The following SYTL2 variants were observed in gnomAD, a reference collection of about 807,000 sequenced individuals.
SYTL2 encodes synaptotagmin like 2.
SYTL2 carries 165 observed loss-of-function variants against 198.7 expected under a neutral mutation model. The observed-to-expected ratio is 0.83, with a 90% CI of 0.73 to 0.94. SYTL2 has a LOEUF of 0.94. SYTL2 is among the 40% of genes least tolerant of loss of function. SYTL2 has a pLI of 0.00. For missense variants in SYTL2, 2,835 were observed against 2,582.8 expected (o/e 1.10, Z -2.12); for synonymous variants, 966 against 917.7 (o/e 1.05, Z -0.95).
At chr11:85,795,961 T>G (rs1251892743) in intron 1 of SYTL2, among the ~76,000 whole-genome samples, 1 of 152,216 alleles carries the variant, frequency 6.6e-6, no homozygotes, top group Non-Finnish European at 1.5e-5. Context: ...GGGAATCTCC[T>G]GCTGTAAAAA....
chr11:85,710,529 T>C (rs1408230400), intron 13 of SYTL2, among the ~76,000 whole-genome samples: 2 of 152,268 alleles, frequency 1.3e-5, no homozygotes. Flanking sequence ...CATATATTTT[T>C]ACATACATAC....
At position 85,725,577 on chromosome 11, in the gene SYTL2, C is replaced by A. The variant is rs747683549; in HGVS notation, c.3781G>T (p.Ala1261Ser). ...GGAGCTAGTATTTCTCTCTTATCAG[C>A]TGAAGTATTGTGACTCTGTTCTATC... ...KGIEQSHNTSADKREILAPFP... is the reference protein window; with the variant it reads ...KGIEQSHNTSSDKREILAPFP... Residue 1261 changes from alanine to serine, a missense_variant, in exon 8 of 20, where the codon GCT becomes TCT. Transcript: ENST00000359152. 1 of 1,614,068 alleles carries A rather than the reference C, an allele frequency of 6.2e-7. No individual in the cohort carries two copies. The highest frequency in any genetic ancestry group is 8.5e-7 in the Non-Finnish European group (1 of 1,179,966).
chr11:85,849,652 G>A, the SYTL2 span, among the ~76,000 whole-genome samples: 1 of 147,856 alleles, frequency 6.8e-6, no homozygotes, highest in African/African-American at 2.5e-5. Context: ...CTATATCTCT[G>A]TTTTGGTACC....
the SYTL2 span, among the ~76,000 whole-genome samples, chr11:85,844,156 T>G: frequency 0.012 from 1,865 of 152,316 alleles, 15 homozygotes; most frequent in Middle Eastern, 0.031. Context: ...GACTCTATCG[T>G]GTAAGCCCTA....
intron 1 of SYTL2, among the ~76,000 whole-genome samples, chr11:85,794,549 T>A (rs898150992): frequency 3.9e-5 from 6 of 152,158 alleles, no homozygotes; most frequent in Non-Finnish European, 7.4e-5. Flanking sequence ...CAAAAGAGAC[T>A]TTCATATCAC....
At chr11:85,829,229 G>T in the SYTL2 span, among the ~76,000 whole-genome samples, 1 of 152,106 alleles carries the variant, frequency 6.6e-6, no homozygotes. Flanking sequence ...CCCATGCCCT[G>T]CTCCCTCCCT....
chr11:85,744,936 G>A (rs796740226), intron 4 of SYTL2, among the ~76,000 whole-genome samples: 11 of 152,236 alleles, frequency 7.2e-5, no homozygotes, highest in African/African-American at 2.4e-4. Flanking sequence ...CAGCAAAGAT[G>A]TACAAATGTA....
At chr11:85,746,321 G>A (rs653559) in intron 3 of SYTL2, among the ~76,000 whole-genome samples, 113,170 of 152,064 alleles carry the variant, frequency 0.74, 42,551 homozygotes, top group African/African-American at 0.85. Context: ...CCCAGCTCAG[G>A]TGTCAGAGCC....
At chr11:85,705,065 A>AT in intron 15 of SYTL2, 37 bp from the exon 16 acceptor site, 1 of 1,519,858 alleles carries the variant, frequency 6.6e-7, no homozygotes, top group Non-Finnish European at 9.1e-7. Flanking sequence ...GATGAAAAAC[A>AT]TTACTTGATG....
rs201770370 is a variant in SYTL2 at position 85,757,637 on chromosome 11, T to C, written c.89A>G (p.Glu30Gly). 10 of 1,613,812 alleles carry C rather than the reference T, an allele frequency of 6.2e-6. No individual in the cohort carries two copies. Among genetic ancestry groups the C allele is most frequent in the Middle Eastern group, 3.3e-4 (2 of 6,062 alleles). The change falls in exon 2 of 20, where the codon GAA (glutamate) becomes GGA (glycine). Residue 30 changes from glutamate (E) to glycine (G), a missense_variant. Glu to Gly is a moderately conservative substitution (Grantham distance 98). Around this residue, in one of 3 missense-constraint regions of SYTL2, gnomAD observed 2,645 missense variants for 2,381.7 expected, o/e 1.11. Transcript: ENST00000359152. ...TCTGGCCTCTTACCTGACTCTCTCT[T>C]CTTCGGCCCTCTTCAGAGCAGCATC... Reference protein sequence around the residue: ...QRDAALKRAEEERVRHLPEKI... With the variant: ...QRDAALKRAEGERVRHLPEKI...
intron 7 of SYTL2, among the ~76,000 whole-genome samples, chr11:85,728,782 A>T (rs1396142201): frequency 6.6e-6 from 1 of 152,176 alleles, no homozygotes; most frequent in African/African-American, 2.4e-5. Flanking sequence ...ATAACTTTCA[A>T]ATAAGACTAA....
At chr11:85,728,560 C>T (rs544201389) in intron 7 of SYTL2, among the ~76,000 whole-genome samples, 1 of 152,290 alleles carries the variant, frequency 6.6e-6, no homozygotes, top group South Asian at 2.1e-4. Flanking sequence ...GCTGGGATTA[C>T]AGTCATGAGC....
chr11:85,804,966 C>T (rs2092938934), intron 1 of SYTL2, among the ~76,000 whole-genome samples: 1 of 152,184 alleles, frequency 6.6e-6, no homozygotes, highest in East Asian at 1.9e-4. Flanking sequence ...TTTGGTCAAC[C>T]ACCCAGCACA....
intron 1 of SYTL2, among the ~76,000 whole-genome samples, chr11:85,782,660 A>C (rs1019665319): frequency 5.9e-5 from 9 of 152,230 alleles, no homozygotes; most frequent in African/African-American, 2.2e-4. Flanking sequence ...TGCTTTTAAC[A>C]GCATTCAGGT....
At position 85,725,631 on chromosome 11, in the gene SYTL2, G is replaced by A; in HGVS notation, c.3727C>T (p.Leu1243=). The A allele has an allele frequency of 1.2e-6, 2 of 1,614,138 alleles. No individual in the cohort carries two copies. Among genetic ancestry groups the A allele is most frequent in the South Asian group, 1.1e-5 (1 of 91,082 alleles). Residue 1243 remains leucine, a synonymous_variant, in exon 8 of 20, where the codon CTG becomes TTG. Transcript: ENST00000359152. ...APVITGTNSK[L]EEGRFFGKGI... Reference sequence around the variant, plus strand: ...TTTCCAAAAAATCTCCCCTCTTCCAGCTTAGAGTTGGTTCCAGTGATAACA... The same window carrying A: ...TTTCCAAAAAATCTCCCCTCTTCCAACTTAGAGTTGGTTCCAGTGATAACA...
chr11:85,700,394 T>C, intron 17 of SYTL2, 121 bp downstream of exon 17: 2 of 708,756 alleles, frequency 2.8e-6, no homozygotes, highest in Non-Finnish European at 2.5e-6. Flanking sequence ...ACTCATTTGG[T>C]CTATACGTTA....
chr11:85,717,282 G>A (rs2153445092), intron 11 of SYTL2: 1 of 429,214 alleles, frequency 2.3e-6, no homozygotes, highest in Middle Eastern at 6.7e-4. Context: ...CTCCCTCAGT[G>A]GAACCACAAA....
intron 16 of SYTL2, among the ~76,000 whole-genome samples, chr11:85,701,805 T>C (rs1434121296): frequency 6.6e-6 from 1 of 152,216 alleles, no homozygotes; most frequent in African/African-American, 2.4e-5. Flanking sequence ...CTAATAACAA[T>C]TTAAAAGGTG....
chr11:85,701,698 C>T (rs1240525189), intron 16 of SYTL2, among the ~76,000 whole-genome samples: 1 of 152,094 alleles, frequency 6.6e-6, no homozygotes, highest in Admixed American at 6.5e-5. Context: ...AAAACAGTTC[C>T]ACTGTTGTGT....
Sources: allele counts gnomAD v4.1 joint callset (sites outside exome capture counted in the v4.1 genomes callset), GRCh38; gene constraint gnomAD v4.1.1; regional missense constraint gnomAD v4.1.1; transcripts MANE v1.5; gene names NCBI Gene and HGNC (gene_info 2026-07-23, HGNC 2026-07-21).